Variants in ZZEF1 observed in about 807,000 individuals in gnomAD.
ZZEF1 encodes zinc finger ZZ-type and EF-hand domain-containing protein 1.
ZZEF1 carries 157 observed loss-of-function variants against 342.8 expected under a neutral mutation model. That is an observed-to-expected ratio of 0.46 (90% CI 0.40 to 0.52). The LOEUF (loss-of-function observed/expected upper bound fraction) is 0.52. ZZEF1 is among the 20% of genes least tolerant of loss of function. ZZEF1 has a pLI of 0.00. For missense variants in ZZEF1, 3,480 were observed against 3,725.6 expected (o/e 0.93, Z 1.72); for synonymous variants, 1,505 against 1,429.1 (o/e 1.05, Z -1.20).
chr17:4,070,587 TATATTTTAAA>T lies in ZZEF1; in HGVS notation c.4075+87_4075+96del. On this transcript the variant is annotated intron_variant, in intron 26 of 54. Coordinates refer to ENST00000381638, the MANE Select transcript of ZZEF1 (RefSeq NM_015113.4). Reference sequence around the variant, plus strand: ...ATGTTTACAGTTATAGAAATGTGTTTATATTTTAAAATATTTTAAATGTTCACTTAAGATA... The same window carrying T: ...ATGTTTACAGTTATAGAAATGTGTTTATATTTTAAATGTTCACTTAAGATA... 7.3e-6 allele frequency: 10 copies of T among 1,362,490 alleles called. No homozygotes were observed. The South Asian group carries it at 1.5e-4, about 20-fold the overall frequency. 84.4% of individuals were successfully genotyped at this position (1,362,490 alleles called of 1,614,324 possible).
intron 37 of ZZEF1, 53 bp from the exon 38 acceptor site, chr17:4,044,427 C>G (rs574191722): frequency 2.6e-5 from 40 of 1,524,786 alleles, no homozygotes; most frequent in African/African-American, 2.0e-4. Flanking sequence ...AAAGTTTGCT[C>G]CATGATTATG....
Position 4,067,014 on chromosome 17 carries a change from AT to A in ZZEF1, c.4155+148del. 9.5e-6 allele frequency: 6 copies of A among 630,212 alleles called. No individual in the cohort carries two copies. The South Asian group carries it at 1.3e-4, about 14-fold the overall frequency. The allele number at this position is 630,212 out of a possible 1,614,324, so 39.0% of individuals were successfully genotyped here. On this transcript the variant is annotated intron_variant, in intron 27 of 54. Coordinates refer to ENST00000381638, the MANE Select transcript of ZZEF1 (RefSeq NM_015113.4). ...CAGACTATAATTTCAAGGGTTCTAA[AT>A]TGTTTTATATCTATTCATGTCACTA...
intron 52 of ZZEF1, 142 bp downstream of exon 52, chr17:4,013,307 A>T: frequency 1.2e-6 from 1 of 817,784 alleles, no homozygotes; most frequent in Non-Finnish European, 1.8e-6. Context: ...ACGCTAGCAT[A>T]AAGCAAATGA....
chr17:4,121,181 G>C (rs954898801), intron 2 of ZZEF1, among the ~76,000 whole-genome samples: 2 of 152,164 alleles, frequency 1.3e-5, no homozygotes, highest in Non-Finnish European at 2.9e-5. Context: ...AGTACACTAC[G>C]AATTATCTGT....
chr17:4,114,380 G>A lies in ZZEF1; in HGVS notation c.785C>T (p.Ser262Leu), dbSNP rs1176007046. The change falls in exon 4 of 55, where the codon TCG becomes TTG. Residue 262 changes from serine to leucine, a missense_variant. By Grantham distance (145) the Ser-to-Leu change is moderately radical. Coordinates refer to ENST00000381638, the MANE Select transcript of ZZEF1 (RefSeq NM_015113.4). ...ATTTGTCATCTTGTCAATGTCTGCC[G>A]AGTTGGAGGATGTTTCTATATAAGC... ...CYAYIETSSN[S>L]ADIDKMTNGE... 42 of 1,612,056 alleles carry A rather than the reference G, an allele frequency of 2.6e-5. No individual in the cohort carries two copies. The highest frequency in any genetic ancestry group is 3.3e-5 in the South Asian group (3 of 90,536).
At chr17:4,060,068 C>T (rs1464987345) in intron 30 of ZZEF1, among the ~76,000 whole-genome samples, 2 of 152,256 alleles carry the variant, frequency 1.3e-5, no homozygotes, top group African/African-American at 4.8e-5. Flanking sequence ...TTAGCAAACA[C>T]TAACTCCCGT....
At chr17:4,068,478 G>T (rs1359272059) in intron 26 of ZZEF1, among the ~76,000 whole-genome samples, 2 of 152,040 alleles carry the variant, frequency 1.3e-5, no homozygotes, top group Non-Finnish European at 2.9e-5. Flanking sequence ...GTAGTGACAG[G>T]GTTTCATCAT....
chr17:4,068,679 C>T lies in ZZEF1; in HGVS notation c.4076-1437G>A, dbSNP rs1195625828. ...GATAATATACTAGAACAGCATGAAG[C>T]TCTCTTTTGCATCTATGTTACAATG... On this transcript the variant is annotated intron_variant, in intron 26 of 54. Transcript: ENST00000381638. Among the ~76,000 whole-genome samples, 2 of 152,166 alleles carry T rather than the reference C, an allele frequency of 1.3e-5. 1 individual carries two copies. Among genetic ancestry groups the T allele is most frequent in the Admixed American group, 1.3e-4 (2 of 15,280 alleles).
Position 4,040,091 on chromosome 17 carries a change from T to C in ZZEF1, c.6306+2338A>G, listed in dbSNP as rs2056771407. Among the ~76,000 whole-genome samples, 6 of 152,354 alleles carry C rather than the reference T, an allele frequency of 3.9e-5. No individual in the cohort carries two copies. The South Asian group carries it at 1.2e-3, about 32-fold the overall frequency. ...AAATCAGTTGATATCATGTTAATACTGGACTTCTCATCGGTTGTTCTAGAT... is the reference window on the plus strand; with the variant it reads ...AAATCAGTTGATATCATGTTAATACCGGACTTCTCATCGGTTGTTCTAGAT... On this transcript the variant is annotated intron_variant, in intron 39 of 54. Transcript: ENST00000381638.
Position 4,017,501 on chromosome 17 carries a change from G to A in ZZEF1, c.7871C>T (p.Ala2624Val). The A allele has an allele frequency of 6.2e-7, 1 of 1,614,272 alleles. No individual in the cohort carries two copies. Among genetic ancestry groups the A allele is most frequent in the Non-Finnish European group, 8.5e-7 (1 of 1,180,048 alleles). Residue 2624 changes from alanine (A) to valine (V), a missense_variant, in exon 48 of 55, where the codon GCA (alanine) becomes GTA (valine). Transcript: ENST00000381638. This position sits in a 1 kb window ranked among gnomAD's most constrained non-coding sequence, Gnocchi z 5.1. Reference sequence around the variant, plus strand: ...GCTAGGCCACTCGGCGAGCAGGGATGCAAGCACGTGGCGGGCGTACAGGAC... The same window carrying A: ...GCTAGGCCACTCGGCGAGCAGGGATACAAGCACGTGGCGGGCGTACAGGAC... ...TAVLYARHVLASLLAEWPSHV... is the reference protein window; with the variant it reads ...TAVLYARHVLVSLLAEWPSHV...
chr17:4,095,651 C>A (rs943669833), intron 11 of ZZEF1, among the ~76,000 whole-genome samples, 180 bp downstream of exon 11: 2 of 152,326 alleles, frequency 1.3e-5, no homozygotes, highest in African/African-American at 2.4e-5. Flanking sequence ...TTAACATACA[C>A]ATCTTCAGAT....
At chr17:4,097,248 T>C (rs1311975488) in intron 9 of ZZEF1, among the ~76,000 whole-genome samples, 1 of 66,366 alleles carries the variant, frequency 1.5e-5, no homozygotes, top group African/African-American at 3.5e-5. Context: ...TGAAACTCCG[T>C]CTCAAAAAAA....
rs1188404329 is a variant in ZZEF1, at chr17:4,032,223, A to G, written c.6795T>C (p.Asp2265=). The part of the protein sequence containing the change: ...LCVGTRCVYM[D]NANEPHNVII... Reference sequence around the variant, plus strand: ...TCACATTATGGGGTTCATTGGCATTATCCATATAAACGCAGCGGGTTCCCA... The same window carrying G: ...TCACATTATGGGGTTCATTGGCATTGTCCATATAAACGCAGCGGGTTCCCA... The change falls in exon 42 of 55, where the codon GAT becomes GAC. Residue 2265 remains aspartate (D), a synonymous_variant. Coordinates refer to ENST00000381638, the MANE Select transcript of ZZEF1 (RefSeq NM_015113.4). The G allele has an allele frequency of 6.2e-7, 1 of 1,614,026 alleles. No individual in the cohort carries two copies. Among genetic ancestry groups the G allele is most frequent in the Admixed American group, 1.7e-5 (1 of 59,994 alleles).
intron 31 of ZZEF1, 58 bp from the exon 32 acceptor site, chr17:4,058,213 G>A: frequency 6.6e-7 from 1 of 1,519,754 alleles, no homozygotes; most frequent in South Asian, 1.3e-5. Flanking sequence ...AGAGGCAACA[G>A]AAGCAATTCA....
chr17:4,090,328 C>G (rs1192566028), intron 12 of ZZEF1, among the ~76,000 whole-genome samples: 10 of 120,540 alleles, frequency 8.3e-5, no homozygotes, highest in African/African-American at 3.4e-4. Flanking sequence ...TCACTATTCT[C>G]TCAGCCTGAG....
intron 12 of ZZEF1, among the ~76,000 whole-genome samples, chr17:4,089,411 A>G (rs1235212262): frequency 1.3e-5 from 2 of 152,180 alleles, no homozygotes; most frequent in African/African-American, 2.4e-5. Flanking sequence ...AGAATACACT[A>G]CTCAACTGCG....
intron 39 of ZZEF1, among the ~76,000 whole-genome samples, chr17:4,037,254 G>A (rs768746256): frequency 6.6e-6 from 1 of 152,200 alleles, no homozygotes; most frequent in Non-Finnish European, 1.5e-5. Context: ...GAAAGATTAT[G>A]GTAGAAAAGG....
At chr17:4,130,765 C>T (rs1438059810) in intron 1 of ZZEF1, among the ~76,000 whole-genome samples, 1 of 152,160 alleles carries the variant, frequency 6.6e-6, no homozygotes, top group Non-Finnish European at 1.5e-5. Context: ...GATTCAAGAT[C>T]ATTTCCCCAA....
chr17:4,039,468 T>TCAAA (rs113389421), intron 39 of ZZEF1, among the ~76,000 whole-genome samples: 28,031 of 150,076 alleles, frequency 0.19, 3,553 homozygotes, highest in African/African-American at 0.37. Context: ...AGACACCATC[T>TCAAA]CAAACAAACA....
Sources: gnomAD v4.1 joint callset for allele counts (sites outside exome capture counted in the v4.1 genomes callset) on GRCh38, gnomAD v4.1.1 for gene constraint, Gnocchi (gnomAD v3.1) non-coding constraint, MANE v1.5 for transcripts, NCBI Gene and HGNC (gene_info 2026-07-23, HGNC 2026-07-21) for gene names.